TLN2: variants seen among roughly 807,000 people sequenced by gnomAD.
TLN2 encodes talin 2.
In TLN2, 118 loss-of-function variants were observed where a neutral mutation model predicts 294.7. That is an observed-to-expected ratio of 0.40 (90% CI 0.34 to 0.47). The LOEUF is 0.47. TLN2 is among the 20% of genes least tolerant of loss of function. The pLI is 0.84. For missense variants in TLN2, 3,083 were observed against 3,282.2 expected (o/e 0.94, Z 1.48); for synonymous variants, 1,431 against 1,304.5 (o/e 1.10, Z -2.09).
chr15:62,506,294 C>A (rs964201650), intron 1 of TLN2, among the ~76,000 whole-genome samples: 1 of 152,230 alleles, frequency 6.6e-6, no homozygotes, highest in East Asian at 1.9e-4. Context: ...TTTAGGCTAC[C>A]CTCTGGGAAA....
intron 1 of TLN2, among the ~76,000 whole-genome samples, chr15:62,580,818 T>C (rs917866814): frequency 2.6e-5 from 4 of 151,412 alleles, no homozygotes; most frequent in Non-Finnish European, 5.9e-5. Flanking sequence ...CAAAAAATCC[T>C]CAGTGCTGCT....
At chr15:62,525,119 A>G (rs559167131) in intron 1 of TLN2, among the ~76,000 whole-genome samples, 1 of 152,312 alleles carries the variant, frequency 6.6e-6, no homozygotes, top group Non-Finnish European at 1.5e-5. Context: ...CACTTGCCCA[A>G]GGTCACACGA....
chr15:62,742,213 G>C (rs2061378649), intron 32 of TLN2, among the ~76,000 whole-genome samples: 1 of 152,116 alleles, frequency 6.6e-6, no homozygotes, highest in Non-Finnish European at 1.5e-5. Flanking sequence ...CTCATGCTTT[G>C]TTCGTGACTG....
At chr15:62,428,057 T>C (rs1016095564) in intron 1 of TLN2, among the ~76,000 whole-genome samples, 4 of 152,278 alleles carry the variant, frequency 2.6e-5, no homozygotes, top group African/African-American at 9.6e-5. Context: ...TTCTTGAACA[T>C]TCATCATTGT....
rs1189928853 is a variant in TLN2 at position 62,825,738 on chromosome 15, T to A, written c.7002+5128T>A. On this transcript the variant is annotated intron_variant, in intron 54 of 58. Transcript: ENST00000636159. The stretch of plus-strand genomic sequence containing the variant: ...TATAAATATATATAAAAATATATTT[T>A]TATATATATTAAATATAATTATAAT... Among the ~76,000 whole-genome samples, 261 of 109,940 alleles carry A rather than the reference T, an allele frequency of 2.4e-3. 1 individual carries two copies. Among genetic ancestry groups the A allele is most frequent in the Non-Finnish European group, 2.2e-3 (136 of 60,500 alleles). 72.1% of individuals were successfully genotyped at this position (109,940 alleles called of 152,430 possible).
Position 62,796,296 on chromosome 15 carries a change from A to T in TLN2, c.6050+3A>T. On this transcript the variant is annotated splice_donor_region_variant and intron_variant, in intron 47 of 58. Coordinates refer to ENST00000636159, the MANE Select transcript of TLN2 (RefSeq NM_015059.3). ...AGTGAGACCTTCGCAGACCACAGGT[A>T]CGTGGGGGTCCTGGACGGGGAGAGG... 6.2e-7 allele frequency: 1 copy of T among 1,612,152 alleles called. No individual in the cohort carries two copies. The highest frequency in any genetic ancestry group is 8.5e-7 in the Non-Finnish European group (1 of 1,179,058).
At chr15:62,732,539 T>C (rs1300888016) in intron 28 of TLN2, among the ~76,000 whole-genome samples, 5 of 152,248 alleles carry the variant, frequency 3.3e-5, no homozygotes, top group Non-Finnish European at 7.3e-5. Context: ...TATACTTTAA[T>C]TGAAGAATAT....
chr15:62,594,129 AACAG>A (rs1393149088), intron 2 of TLN2, among the ~76,000 whole-genome samples: 2 of 152,234 alleles, frequency 1.3e-5, no homozygotes, highest in Non-Finnish European at 2.9e-5. Flanking sequence ...CTGGTATAAA[AACAG>A]ACACATAGAC....
chr15:62,426,556 C>T (rs559984716), intron 1 of TLN2, among the ~76,000 whole-genome samples: 21 of 152,254 alleles, frequency 1.4e-4, no homozygotes, highest in Admixed American at 5.9e-4. Flanking sequence ...GTCCAGCTGG[C>T]GAATTCTTTG....
At chr15:62,678,522 A>T (rs1322472943) in intron 11 of TLN2, among the ~76,000 whole-genome samples, 1 of 152,234 alleles carries the variant, frequency 6.6e-6, no homozygotes, top group Admixed American at 6.5e-5. Flanking sequence ...CATACTTAAT[A>T]GAAATGCTAG....
In TLN2 at chr15:62,697,769, G is replaced by C; in HGVS notation, c.1374G>C (p.Ser458=). The C allele has an allele frequency of 6.2e-7, 1 of 1,612,732 alleles. No individual in the cohort carries two copies. The highest frequency in any genetic ancestry group is 1.1e-5 in the South Asian group (1 of 91,026). Reference sequence around the variant, plus strand: ...TGGCGCTGCCGGCCGTGATGCGCTCGGGCTCCAGCGGGCCTGAGACCTTCA... The same window carrying C: ...TGGCGCTGCCGGCCGTGATGCGCTCCGGCTCCAGCGGGCCTGAGACCTTCA... ...GSVALPAVMR[S]GSSGPETFNV... Residue 458 remains serine, a synonymous_variant, in exon 15 of 59, where the codon TCG becomes TCC. Transcript: ENST00000636159.
intron 1 of TLN2, among the ~76,000 whole-genome samples, chr15:62,482,246 T>G (rs2038142049): frequency 6.6e-6 from 1 of 152,212 alleles, no homozygotes; most frequent in Non-Finnish European, 1.5e-5. Context: ...TAGACCCTTA[T>G]GGACAATTCT....
At chr15:62,393,725 G>A (rs1239488130) in intron 1 of TLN2, among the ~76,000 whole-genome samples, 17 of 151,964 alleles carry the variant, frequency 1.1e-4, no homozygotes, top group Admixed American at 1.1e-3. Context: ...TAATAAAAAA[G>A]AGAAGCTTTA....
In TLN2 at chr15:62,702,872, A is replaced by T; in HGVS notation, c.2004+8A>T. 1.2e-6 allele frequency: 2 copies of T among 1,613,050 alleles called. No homozygotes were observed. The highest frequency in any genetic ancestry group is 1.7e-6 in the Non-Finnish European group (2 of 1,179,018). ...ACTGATGAGCGATTCCAGGTAAGAT[A>T]TTTGCAGGCTTATAGTCATGGAAAG... On this transcript the variant is annotated splice_region_variant and intron_variant, in intron 19 of 58. Coordinates refer to ENST00000636159, the MANE Select transcript of TLN2 (RefSeq NM_015059.3).
intron 51 of TLN2, among the ~76,000 whole-genome samples, chr15:62,807,185 T>G (rs1596067819): frequency 6.6e-6 from 1 of 152,004 alleles, no homozygotes; most frequent in Middle Eastern, 3.4e-3. Flanking sequence ...CTCAGTGGAG[T>G]CCACCTACCA....
At chr15:62,498,367 A>G (rs1555418235) in intron 1 of TLN2, among the ~76,000 whole-genome samples, 23 of 152,138 alleles carry the variant, frequency 1.5e-4, no homozygotes, top group Non-Finnish European at 7.3e-5. Flanking sequence ...ATCCTTGAGT[A>G]GTCACTGGTC....
At chr15:62,551,289 A>C (rs1488534723) in intron 1 of TLN2, among the ~76,000 whole-genome samples, 2 of 152,166 alleles carry the variant, frequency 1.3e-5, no homozygotes, top group Admixed American at 6.5e-5. Context: ...GACTGGTACC[A>C]GTCCATGGCC....
chr15:62,770,952 T>TG lies in TLN2; in HGVS notation c.5197-12_5197-11insG. 6.4e-7 allele frequency: 1 copy of TG among 1,557,568 alleles called. No individual in the cohort carries two copies. Among genetic ancestry groups the TG allele is most frequent in the Non-Finnish European group, 8.6e-7 (1 of 1,161,248 alleles). Reference sequence around the variant, plus strand: ...ATGATACATCTCTGGCTTTTTTTTTTTTTTTTGAAAGGTGACACAACTGGC... The same window carrying TG: ...ATGATACATCTCTGGCTTTTTTTTTTGTTTTTTGAAAGGTGACACAACTGGC... On this transcript the variant is annotated splice_polypyrimidine_tract_variant and intron_variant, in intron 41 of 58. Transcript: ENST00000636159.
At chr15:62,550,337 T>TAA (rs1486560637) in intron 1 of TLN2, among the ~76,000 whole-genome samples, 1 of 152,144 alleles carries the variant, frequency 6.6e-6, no homozygotes, top group Admixed American at 6.5e-5. Context: ...GACTTGGCTC[T>TAA]AAACTCATGC....
Sources: gnomAD v4.1 joint callset for allele counts (sites outside exome capture counted in the v4.1 genomes callset) on GRCh38, gnomAD v4.1.1 for gene constraint, MANE v1.5 for transcripts, NCBI Gene and HGNC (gene_info 2026-07-23, HGNC 2026-07-21) for gene names.